The following TDRD3 variants were observed in gnomAD, a reference collection of about 807,000 sequenced individuals.
The protein encoded by TDRD3 is tudor domain-containing protein 3.
TDRD3 carries 45 observed loss-of-function variants against 86.7 expected under a neutral mutation model. That is an observed-to-expected ratio of 0.52 (90% CI 0.41 to 0.67). The LOEUF is 0.67. Among genes scored for constraint, TDRD3 ranks in the 30% least tolerant of loss-of-function variants. TDRD3 has a pLI of 0.00. For missense variants in TDRD3, 814 were observed against 889.0 expected, an observed-to-expected ratio of 0.92 and a Z score of 1.07; for synonymous variants, 298 against 301.7, an observed-to-expected ratio of 0.99 and a Z score of 0.13.
At chr13:60,546,989 A>G (rs1331821028) in intron 12 of TDRD3, among the ~76,000 whole-genome samples, 1 of 152,148 alleles carries the variant, frequency 6.6e-6, no homozygotes. Flanking sequence ...AGTTTTTCAG[A>G]TGTCTTAATA....
chr13:60,515,968 A>G (rs1163819118), intron 10 of TDRD3, among the ~76,000 whole-genome samples: 3 of 152,206 alleles, frequency 2.0e-5, no homozygotes, highest in Non-Finnish European at 4.4e-5. Flanking sequence ...TTTAATGGTT[A>G]AATGCATTAT....
chr13:60,434,429 C>A (rs1001048753), intron 1 of TDRD3, among the ~76,000 whole-genome samples: 21 of 150,534 alleles, frequency 1.4e-4, no homozygotes, highest in Admixed American at 4.0e-4. Context: ...GTTTGTGCCA[C>A]CGCATTCCAG....
chr13:60,413,020 C>T (rs1954402554), intron 1 of TDRD3, among the ~76,000 whole-genome samples: 1 of 151,550 alleles, frequency 6.6e-6, no homozygotes, highest in Non-Finnish European at 1.5e-5. Flanking sequence ...GCCTGGTATT[C>T]CCTGCAGTAT....
At chr13:60,441,430 T>G (rs1955269521) in intron 2 of TDRD3, among the ~76,000 whole-genome samples, 1 of 152,206 alleles carries the variant, frequency 6.6e-6, no homozygotes, top group African/African-American at 2.4e-5. Flanking sequence ...TTGTCTTTTT[T>G]ATTTTCCCTG....
Position 60,498,019 on chromosome 13 carries a change from T to C in TDRD3, c.858+3444T>C, listed in dbSNP as rs140236521. Among the ~76,000 whole-genome samples the C allele has an allele frequency of 2.5e-3, 378 of 152,144 alleles. 2 individuals carry two copies. The highest frequency in any genetic ancestry group is 8.8e-3 in the African/African-American group (367 of 41,502). ...AAAAAAGGCTAATAGTTTATTTGCT[T>C]GGTTAGCTGAAATGTGGATTAAAAG... On this transcript the variant is annotated intron_variant, in intron 8 of 13. Transcript: ENST00000377881.
chr13:60,434,586 C>T (rs1955043101), intron 1 of TDRD3, among the ~76,000 whole-genome samples: 1 of 151,972 alleles, frequency 6.6e-6, no homozygotes, highest in Non-Finnish European at 1.5e-5. Context: ...AGAAATTTAG[C>T]CTTTTAATGC....
chr13:60,477,388 A>C (rs1956208344), intron 5 of TDRD3, among the ~76,000 whole-genome samples: 1 of 151,632 alleles, frequency 6.6e-6, no homozygotes, highest in Non-Finnish European at 1.5e-5. Flanking sequence ...CTAATTTTTA[A>C]ATTTTTTATA....
chr13:60,424,466 G>T (rs1021904598), intron 1 of TDRD3, among the ~76,000 whole-genome samples: 1 of 151,868 alleles, frequency 6.6e-6, no homozygotes, highest in African/African-American at 2.4e-5. Context: ...TCACTTGAGG[G>T]AGGAGTTCGA....
At chr13:60,437,835 A>G (rs1955157451) in intron 1 of TDRD3, among the ~76,000 whole-genome samples, 1 of 151,972 alleles carries the variant, frequency 6.6e-6, no homozygotes. Flanking sequence ...TGCTTTCTAA[A>G]ATTGGTCTCA....
chr13:60,452,834 A>G (rs1272966974), intron 3 of TDRD3, among the ~76,000 whole-genome samples: 1 of 150,014 alleles, frequency 6.7e-6, no homozygotes, highest in Non-Finnish European at 1.5e-5. Flanking sequence ...TTTTTTAATT[A>G]CTAAATGTAT....
intron 5 of TDRD3, among the ~76,000 whole-genome samples, chr13:60,482,068 C>T (rs1216812403): frequency 6.6e-6 from 1 of 152,168 alleles, no homozygotes; most frequent in Non-Finnish European, 1.5e-5. Flanking sequence ...TGTCTGTATA[C>T]CCTTTATGAG....
chr13:60,441,490 GA>G (rs1302721623), intron 2 of TDRD3, among the ~76,000 whole-genome samples: 1 of 150,956 alleles, frequency 6.6e-6, no homozygotes, highest in Non-Finnish European at 1.5e-5. Flanking sequence ...CATATGATAG[GA>G]AAAAAAACCA....
At chr13:60,533,022 T>G (rs1413092990) in intron 11 of TDRD3, among the ~76,000 whole-genome samples, 3 of 152,204 alleles carry the variant, frequency 2.0e-5, no homozygotes, top group African/African-American at 7.2e-5. Flanking sequence ...AGTGTTTGTT[T>G]AATTTACCTG....
chr13:60,487,728 G>A (rs535383978), intron 7 of TDRD3, among the ~76,000 whole-genome samples: 1 of 152,258 alleles, frequency 6.6e-6, no homozygotes, highest in African/African-American at 2.4e-5. Flanking sequence ...TAGTGCTGCA[G>A]TAAATATGGG....
At position 60,533,660 on chromosome 13, in the gene TDRD3, A is replaced by G. The variant is rs577203999; in HGVS notation, c.1993-1448A>G. On this transcript the variant is annotated intron_variant, in intron 11 of 13. Coordinates refer to ENST00000377881, the MANE Select transcript of TDRD3 (RefSeq NM_001146070.2). ...TGTCTCAAAAAAAAAGAGAGATGCTATTAGAGTAGATAGTGTTATACTGTA... is the reference window on the plus strand; with the variant it reads ...TGTCTCAAAAAAAAAGAGAGATGCTGTTAGAGTAGATAGTGTTATACTGTA... 6.6e-4 allele frequency among the ~76,000 whole-genome samples: 101 copies of G among 152,086 alleles called. 1 individual carries two copies. Among genetic ancestry groups the G allele is most frequent in the Non-Finnish European group, 1.3e-3 (86 of 68,010 alleles).
intron 12 of TDRD3, among the ~76,000 whole-genome samples, chr13:60,549,347 A>G (rs942175298): frequency 2.6e-5 from 4 of 152,140 alleles, no homozygotes; most frequent in Admixed American, 6.5e-5. Context: ...AGAACCTGCC[A>G]TTTGAAAATC....
At chr13:60,398,792 G>A (rs1025417510) in intron 1 of TDRD3, among the ~76,000 whole-genome samples, 17 of 152,316 alleles carry the variant, frequency 1.1e-4, no homozygotes, top group South Asian at 6.2e-4. Flanking sequence ...GAACAGCATG[G>A]GCGTAAAAGA....
chr13:60,492,873 A>T (rs1456268809), intron 7 of TDRD3, among the ~76,000 whole-genome samples: 5 of 145,948 alleles, frequency 3.4e-5, no homozygotes, highest in African/African-American at 1.3e-4. Flanking sequence ...TTTCATGTAT[A>T]CTTCTTTGTA....
chr13:60,493,014 G>A (rs1008148389), intron 7 of TDRD3, among the ~76,000 whole-genome samples: 3 of 149,198 alleles, frequency 2.0e-5, no homozygotes, highest in African/African-American at 4.9e-5. Flanking sequence ...CGCCTCCCAG[G>A]TTCATGCCAT....
Sources: gnomAD v4.1 joint callset for allele counts (sites outside exome capture counted in the v4.1 genomes callset) on GRCh38, gnomAD v4.1.1 for gene constraint, MANE v1.5 for transcripts, NCBI Gene and HGNC (gene_info 2026-07-23, HGNC 2026-07-21) for gene names.